The following CCSER1 variants were observed in gnomAD, a reference collection of about 807,000 sequenced individuals.
CCSER1 encodes serine-rich coiled-coil domain-containing protein 1.
Under a neutral mutation model 82.0 loss-of-function variants are expected in CCSER1, and 41 were observed. The ratio of observed to expected loss-of-function variants is 0.50; its 90% confidence interval spans 0.39 to 0.65. The LOEUF (loss-of-function observed/expected upper bound fraction) is 0.65. Among genes scored for constraint, CCSER1 ranks in the 30% least tolerant of loss-of-function variants. The pLI is 0.00. For synonymous variants in CCSER1, 414 were observed against 383.9 expected (o/e 1.08, Z -0.92); for missense variants, 1,119 against 1,064.2 (o/e 1.05, Z -0.72).
At chr4:91,568,159 T>C (rs1762986903) in intron 10 of CCSER1, among the ~76,000 whole-genome samples, 1 of 152,172 alleles carries the variant, frequency 6.6e-6, no homozygotes, top group South Asian at 2.1e-4. Flanking sequence ...TCTTTAAGAA[T>C]GTTGAATATG....
At chr4:91,056,128 A>G (rs1334767185) in intron 9 of CCSER1, among the ~76,000 whole-genome samples, 2 of 151,940 alleles carry the variant, frequency 1.3e-5, no homozygotes, top group African/African-American at 4.8e-5. Flanking sequence ...TTCTTTGAGC[A>G]TCTTTAAGGT....
rs1348698916 is a variant in CCSER1, at chr4:91,226,173, G to A, written c.2217+140179G>A. Among the ~76,000 whole-genome samples, 3 of 151,838 alleles carry A rather than the reference G, an allele frequency of 2.0e-5. No homozygotes were observed. In the East Asian group the frequency reaches 5.8e-4, roughly 29 times the overall value. Reference sequence around the variant, plus strand: ...AAATTCCTAAAATTAATGACTCAGAGAAAAGGACTAAAAGAAGACAATGAA... The same window carrying A: ...AAATTCCTAAAATTAATGACTCAGAAAAAAGGACTAAAAGAAGACAATGAA... On this transcript the variant is annotated intron_variant, in intron 10 of 10. Transcript: ENST00000509176.
At chr4:90,920,686 C>T (rs1045342034) in intron 8 of CCSER1, among the ~76,000 whole-genome samples, 6 of 151,782 alleles carry the variant, frequency 4.0e-5, no homozygotes, top group South Asian at 2.1e-4. Flanking sequence ...GGGCTCTCTC[C>T]GTGGTAACTG....
chr4:90,719,105 G>A (rs887835710), intron 6 of CCSER1, among the ~76,000 whole-genome samples: 1 of 152,078 alleles, frequency 6.6e-6, no homozygotes, highest in East Asian at 1.9e-4. Flanking sequence ...GGAGGTGAGC[G>A]GAGGGCGAGT....
intron 10 of CCSER1, among the ~76,000 whole-genome samples, chr4:91,333,946 C>A (rs1410692380): frequency 6.6e-6 from 1 of 151,900 alleles, no homozygotes. Flanking sequence ...ATAATTTTTT[C>A]TTACAATAGA....
intron 7 of CCSER1, among the ~76,000 whole-genome samples, chr4:90,796,064 A>G (rs1392184088): frequency 6.6e-6 from 1 of 151,940 alleles, no homozygotes; most frequent in African/African-American, 2.4e-5. Context: ...TTCAGGAAGA[A>G]ACATACTGGC....
intron 8 of CCSER1, among the ~76,000 whole-genome samples, chr4:90,834,946 G>A (rs1270723065): frequency 6.6e-6 from 1 of 152,126 alleles, no homozygotes; most frequent in Non-Finnish European, 1.5e-5. Flanking sequence ...AACTTGATAT[G>A]CCACTTTTCA....
intron 10 of CCSER1, among the ~76,000 whole-genome samples, chr4:91,140,677 T>A (rs1728938838): frequency 6.6e-6 from 1 of 152,220 alleles, no homozygotes; most frequent in Non-Finnish European, 1.5e-5. Context: ...TAAAAATTAG[T>A]AGTTGGAAAT....
intron 10 of CCSER1, among the ~76,000 whole-genome samples, chr4:91,272,165 A>C (rs1560557752): frequency 6.6e-6 from 1 of 152,180 alleles, no homozygotes; most frequent in Non-Finnish European, 1.5e-5. Flanking sequence ...TTAGTTCTTT[A>C]AGGATTCTCC....
At chr4:90,966,229 T>G (rs1383017648) in intron 9 of CCSER1, among the ~76,000 whole-genome samples, 1 of 152,036 alleles carries the variant, frequency 6.6e-6, no homozygotes, top group African/African-American at 2.4e-5. Flanking sequence ...TTAAATGTTA[T>G]GAAAAACATT....
intron 10 of CCSER1, among the ~76,000 whole-genome samples, chr4:91,489,425 T>C (rs1412152487): frequency 2.0e-5 from 3 of 152,178 alleles, no homozygotes; most frequent in Non-Finnish European, 4.4e-5. Context: ...ATCTTGCTTA[T>C]GCATTATTTA....
chr4:90,896,733 A>T (rs1330282677), intron 8 of CCSER1, among the ~76,000 whole-genome samples: 1 of 151,952 alleles, frequency 6.6e-6, no homozygotes, highest in Non-Finnish European at 1.5e-5. Flanking sequence ...TTGCTTGTTA[A>T]CAATATTTTG....
intron 5 of CCSER1, among the ~76,000 whole-genome samples, chr4:90,503,676 C>T (rs905978265): frequency 2.6e-5 from 4 of 151,978 alleles, no homozygotes; most frequent in Admixed American, 1.3e-4. Context: ...GGTTTTTTCT[C>T]CTTGCGATAG....
At chr4:91,050,261 T>C (rs138639537) in intron 9 of CCSER1, among the ~76,000 whole-genome samples, 184 of 152,186 alleles carry the variant, frequency 1.2e-3, no homozygotes, top group African/African-American at 4.1e-3. Flanking sequence ...TGAAACCCTG[T>C]CTCTATTAAA....
chr4:90,698,681 T>C (rs1737438523), intron 6 of CCSER1, among the ~76,000 whole-genome samples: 1 of 152,210 alleles, frequency 6.6e-6, no homozygotes, highest in Non-Finnish European at 1.5e-5. Flanking sequence ...TTTTCCTCTG[T>C]TAACTGAGGT....
At chr4:91,310,845 T>C (rs967588510) in intron 10 of CCSER1, among the ~76,000 whole-genome samples, 5 of 151,902 alleles carry the variant, frequency 3.3e-5, no homozygotes, top group African/African-American at 9.7e-5. Context: ...TCTGAGACTT[T>C]TTTTGTGATT....
At chr4:90,766,997 C>T (rs561023355) in intron 7 of CCSER1, among the ~76,000 whole-genome samples, 17 of 152,174 alleles carry the variant, frequency 1.1e-4, no homozygotes, top group African/African-American at 4.1e-4. Context: ...TGTGAATGTA[C>T]TACTGAGCAA....
intron 4 of CCSER1, among the ~76,000 whole-genome samples, chr4:90,410,152 A>G (rs1754460942): frequency 6.6e-6 from 1 of 152,198 alleles, no homozygotes; most frequent in African/African-American, 2.4e-5. Flanking sequence ...TGACCTACAA[A>G]GAGACATAGA....
At chr4:90,700,875 G>A (rs1252955544) in intron 6 of CCSER1, among the ~76,000 whole-genome samples, 1 of 152,016 alleles carries the variant, frequency 6.6e-6, no homozygotes, top group East Asian at 1.9e-4. Flanking sequence ...TGTATATTCT[G>A]GTTATTAGCC....
Sources: allele counts gnomAD v4.1 joint callset (sites outside exome capture counted in the v4.1 genomes callset), GRCh38; gene constraint gnomAD v4.1.1; transcripts MANE v1.5; gene names NCBI Gene and HGNC (gene_info 2026-07-23, HGNC 2026-07-21).